DHRS4L2: variants seen among roughly 807,000 people sequenced by gnomAD.
The protein encoded by DHRS4L2 is dehydrogenase/reductase 4 like 2.
DHRS4L2 carries 22 observed loss-of-function variants against 23.9 expected under a neutral mutation model. The ratio of observed to expected loss-of-function variants is 0.92; its 90% CI spans 0.66 to 1.31. DHRS4L2 has a LOEUF of 1.31. Ranked by LOEUF, DHRS4L2 falls within the 40% of genes most tolerant of loss-of-function variation. The pLI, the probability that DHRS4L2 is intolerant of heterozygous loss-of-function variation, is 0.00. For missense variants in DHRS4L2, 385 were observed against 303.3 expected, an observed-to-expected ratio of 1.27 and a Z score of -2.00; for synonymous variants, 141 against 123.7, an observed-to-expected ratio of 1.14 and a Z score of -0.93.
At chr14:23,984,340 T>C (rs564964644), upstream of DHRS4L2, among the ~76,000 whole-genome samples, 14 of 151,744 alleles carry the variant, frequency 9.2e-5, 1 homozygote, top group African/African-American at 2.9e-4. Context: ...GATGTGTTGA[T>C]TTGAAAAACA....
intron 3 of DHRS4L2, among the ~76,000 whole-genome samples, chr14:23,999,373 A>AAC (rs1555330010): frequency 1.6e-5 from 2 of 123,620 alleles, no homozygotes; most frequent in East Asian, 5.2e-4. Flanking sequence ...AAAAAAAAAA[A>AAC]ACAATATCTG....
At chr14:23,997,819 G>A (rs2034411248) in intron 3 of DHRS4L2, among the ~76,000 whole-genome samples, 1 of 151,650 alleles carries the variant, frequency 6.6e-6, no homozygotes, top group African/African-American at 2.4e-5. Context: ...CCAGACTCCT[G>A]TAAATCTAGA....
chr14:23,976,443 G>A (rs986742453), intron 1 of DHRS4L2, among the ~76,000 whole-genome samples: 7 of 151,980 alleles, frequency 4.6e-5, no homozygotes, highest in Admixed American at 1.3e-4. Context: ...ACATTAAAAA[G>A]TCAGGAAACA....
intron 1 of DHRS4L2, among the ~76,000 whole-genome samples, chr14:23,973,317 T>C (rs1219822310): frequency 6.6e-6 from 1 of 151,958 alleles, no homozygotes; most frequent in Admixed American, 6.5e-5. Context: ...CCAGAACTCG[T>C]GCTGGCCTGC....
chr14:23,973,753 A>AGT (rs2033913472), intron 1 of DHRS4L2, among the ~76,000 whole-genome samples: 1 of 151,558 alleles, frequency 6.6e-6, no homozygotes, highest in South Asian at 2.1e-4. Flanking sequence ...TCATAAAGCA[A>AGT]GTTCTTAGAG....
rs1437640740 is a variant in DHRS4L2 at position 23,983,047 on chromosome 14, AAAG to A, written c.-175-7133_-175-7131del. On this transcript the variant is annotated intron_variant, in intron 1 of 5. Coordinates refer to the DHRS4L2 transcript ENST00000534993. ...TAGACAAATTGGACCTGATTAAACT[AAAG>A]AGCTTCAGCACAGCAGAAGAGACTA... 4.6e-5 allele frequency among the ~76,000 whole-genome samples: 7 copies of A among 151,644 alleles called. 1 individual carries two copies.
At chr14:23,982,597 C>A (rs1303075983) in intron 1 of DHRS4L2, among the ~76,000 whole-genome samples, 1 of 151,432 alleles carries the variant, frequency 6.6e-6, no homozygotes, top group Non-Finnish European at 1.5e-5. Flanking sequence ...GTAATAGTAC[C>A]AAACAGATAT....
upstream of DHRS4L2, among the ~76,000 whole-genome samples, chr14:23,984,012 C>T (rs945229578): frequency 3.3e-5 from 5 of 150,682 alleles, no homozygotes; most frequent in African/African-American, 1.2e-4. Context: ...GCACATGTAT[C>T]TCAGAACTTA....
chr14:23,990,527 C>A (rs1357577245), intron 2 of DHRS4L2, among the ~76,000 whole-genome samples, 168 bp downstream of exon 2: 1 of 151,206 alleles, frequency 6.6e-6, no homozygotes, highest in African/African-American at 2.4e-5. Context: ...AATTTTAAAA[C>A]ATTCTAATGC....
chr14:23,971,433 T>G (rs562645503), intron 1 of DHRS4L2, among the ~76,000 whole-genome samples: 1 of 151,948 alleles, frequency 6.6e-6, no homozygotes, highest in African/African-American at 2.4e-5. Context: ...TGAAATAAAG[T>G]GAGAAGACAA....
At chr14:23,988,850 G>A, upstream of DHRS4L2, 1 of 1,491,594 alleles carries the variant, frequency 6.7e-7, no homozygotes. Flanking sequence ...GGCGGGAAGG[G>A]GGCAGGCAGG....
At position 24,000,060 on chromosome 14, in the gene DHRS4L2, T is replaced by C. The variant is rs984649385; in HGVS notation, c.409-803T>C. Reference sequence around the variant, plus strand: ...TTCTTTGTAATTTTTGATTTTATTATATAAAATCTTTCAGAAAACTTGCAA... The same window carrying C: ...TTCTTTGTAATTTTTGATTTTATTACATAAAATCTTTCAGAAAACTTGCAA... On this transcript the variant is annotated intron_variant, in intron 3 of 7. Transcript: ENST00000335125. Among the ~76,000 whole-genome samples, 25 of 139,412 alleles carry C rather than the reference T, an allele frequency of 1.8e-4. 3 individuals are homozygous for C. Among genetic ancestry groups the C allele is most frequent in the African/African-American group, 7.6e-4 (25 of 33,096 alleles). 91.5% of individuals were successfully genotyped at this position (139,412 alleles called of 152,430 possible).
chr14:23,988,866 G>T, upstream of DHRS4L2: 1 of 1,532,982 alleles, frequency 6.5e-7, no homozygotes, highest in Non-Finnish European at 8.8e-7. Flanking sequence ...GCAGGGAAGC[G>T]GCCCGCCCTT....
chr14:23,990,041 T>C (rs1367749946), intron 1 of DHRS4L2, 141 bp from the exon 2 acceptor site: 3 of 1,365,002 alleles, frequency 2.2e-6, no homozygotes, highest in Non-Finnish European at 3.0e-6. Flanking sequence ...TTAAGCCTGT[T>C]TTACACATAG....
At chr14:23,995,864 C>A (rs1019449827) in intron 3 of DHRS4L2, among the ~76,000 whole-genome samples, 4 of 151,704 alleles carry the variant, frequency 2.6e-5, no homozygotes, top group African/African-American at 9.7e-5. Context: ...CATGGTTCTG[C>A]GTTTTACACT....
At chr14:23,973,549 G>A (rs2033907667) in intron 1 of DHRS4L2, among the ~76,000 whole-genome samples, 1 of 151,796 alleles carries the variant, frequency 6.6e-6, no homozygotes, top group Non-Finnish European at 1.5e-5. Context: ...CAAAGGGATG[G>A]AGGAAGATCT....
chr14:23,987,381 G>C (rs572999468), upstream of DHRS4L2: 6 of 198,984 alleles, frequency 3.0e-5, no homozygotes, highest in East Asian at 3.8e-4. Context: ...CGCCCGCCTC[G>C]GCCTCCCAAA....
upstream of DHRS4L2, among the ~76,000 whole-genome samples, chr14:23,988,099 T>C (rs1351011535): frequency 1.3e-5 from 2 of 151,356 alleles, no homozygotes; most frequent in Non-Finnish European, 3.0e-5. Flanking sequence ...GTAACTACTA[T>C]GTGCTTAGTA....
rs200716911 is a variant in DHRS4L2 at position 23,974,294 on chromosome 14, C to G, written c.-176+3962C>G. Among the ~76,000 whole-genome samples the G allele has an allele frequency of 2.5e-4, 38 of 151,548 alleles. 1 individual carries two copies. Among genetic ancestry groups the G allele is most frequent in the East Asian group, 3.9e-4 (2 of 5,174 alleles). Reference sequence around the variant, plus strand: ...AGCACTGAATACCCACAAGAGAAAGCAGGAAAGATCTAAAATCAACACCCT... The same window carrying G: ...AGCACTGAATACCCACAAGAGAAAGGAGGAAAGATCTAAAATCAACACCCT... On this transcript the variant is annotated intron_variant, in intron 1 of 5. Coordinates refer to the DHRS4L2 transcript ENST00000534993.
Sources: allele counts gnomAD v4.1 joint callset (sites outside exome capture counted in the v4.1 genomes callset), GRCh38; gene constraint gnomAD v4.1.1; transcripts MANE v1.5; gene names NCBI Gene and HGNC (gene_info 2026-07-23, HGNC 2026-07-21).